The following ELOVL4 variants were observed in gnomAD, a reference collection of about 807,000 sequenced individuals.
ELOVL4 encodes very long chain fatty acid elongase 4.
In ELOVL4, 18 loss-of-function variants were observed where a neutral mutation model predicts 42.1. The ratio of observed to expected loss-of-function variants is 0.43; its 90% CI spans 0.30 to 0.63. The LOEUF is 0.63. Ranked by LOEUF, ELOVL4 falls within the 30% of genes least tolerant of loss-of-function variation. The pLI, the probability that ELOVL4 is intolerant of heterozygous loss-of-function variation, is 0.15. For synonymous variants in ELOVL4, 117 were observed against 127.0 expected, an observed-to-expected ratio of 0.92 and a Z score of 0.53; for missense variants, 299 against 376.2, an observed-to-expected ratio of 0.79 and a Z score of 1.70.
At position 79,926,386 on chromosome 6, in the gene ELOVL4, AG is replaced by A. The variant is rs1317537046; in HGVS notation, c.101-6del. 1 of 1,612,928 alleles carries A rather than the reference AG, an allele frequency of 6.2e-7. No homozygotes were observed. The highest frequency in any genetic ancestry group is 2.2e-5 in the East Asian group (1 of 44,850). ...GCCAATTTTCCACACGCTTATCTAT[AG>A]AGAGAACAAAATACCATAAAATTCA... is the stretch of plus-strand genomic sequence containing the variant. On this transcript the variant is annotated splice_polypyrimidine_tract_variant and splice_region_variant and intron_variant, in intron 1 of 5. Transcript: ENST00000369816.
chr6:79,926,869 G>A (rs935539111), intron 1 of ELOVL4, among the ~76,000 whole-genome samples: 1 of 152,120 alleles, frequency 6.6e-6, no homozygotes, highest in African/African-American at 2.4e-5. Context: ...GAAATATCTC[G>A]AGACACTGAA....
intron 5 of ELOVL4, 144 bp downstream of exon 5, chr6:79,919,276 A>G: frequency 1.2e-6 from 1 of 864,810 alleles, no homozygotes. Flanking sequence ...TCTAGAGTCA[A>G]GTGGGCATAA....
intron 2 of ELOVL4, 151 bp from the exon 3 acceptor site, chr6:79,925,183 T>G (rs1774323534): frequency 8.2e-6 from 5 of 610,996 alleles, no homozygotes; most frequent in Non-Finnish European, 1.4e-5. Flanking sequence ...TGCATTCCGA[T>G]TGCTAGAAGT....
intron 4 of ELOVL4, among the ~76,000 whole-genome samples, chr6:79,920,741 T>TTATGCTGTACATGGAA (rs1774239119): frequency 1.3e-5 from 2 of 152,236 alleles, no homozygotes; most frequent in African/African-American, 2.4e-5. Context: ...GGCATCAACA[T>TTATGCTGTACATGGAA]TATGCTGTAC....
At chr6:79,928,076 G>A (rs1774373997) in intron 1 of ELOVL4, among the ~76,000 whole-genome samples, 1 of 151,912 alleles carries the variant, frequency 6.6e-6, no homozygotes, top group Non-Finnish European at 1.5e-5. Flanking sequence ...AAAACATGAG[G>A]TGTGCATCTA....
chr6:79,942,701 T>C (rs1472341806), intron 1 of ELOVL4, among the ~76,000 whole-genome samples: 1 of 152,224 alleles, frequency 6.6e-6, no homozygotes, highest in Non-Finnish European at 1.5e-5. Flanking sequence ...GTTAAAACTG[T>C]GTCCTGACAC....
chr6:79,940,320 T>A (rs948218922), intron 1 of ELOVL4, among the ~76,000 whole-genome samples: 2 of 152,202 alleles, frequency 1.3e-5, no homozygotes, highest in Non-Finnish European at 2.9e-5. Flanking sequence ...AGGTATTTGT[T>A]TACAAATGGT....
At chr6:79,927,698 G>T (rs764185652) in intron 1 of ELOVL4, among the ~76,000 whole-genome samples, 6 of 151,988 alleles carry the variant, frequency 3.9e-5, no homozygotes, top group Admixed American at 2.6e-4. Context: ...TTGATGACTC[G>T]AGATATGGGA....
At chr6:79,925,839 C>T (rs1331712953) in intron 2 of ELOVL4, among the ~76,000 whole-genome samples, 4 of 152,206 alleles carry the variant, frequency 2.6e-5, no homozygotes, top group Middle Eastern at 3.4e-3. Flanking sequence ...GTGCTTAATA[C>T]GTGCCAAACA....
At chr6:79,926,973 T>C (rs574045239) in intron 1 of ELOVL4, among the ~76,000 whole-genome samples, 107 of 152,332 alleles carry the variant, frequency 7.0e-4, no homozygotes, top group African/African-American at 2.5e-3. Flanking sequence ...TTTCTAACTT[T>C]TTCATTGAGA....
intron 1 of ELOVL4, among the ~76,000 whole-genome samples, chr6:79,946,161 G>A (rs1397995105): frequency 2.0e-5 from 3 of 152,220 alleles, no homozygotes. Flanking sequence ...CTGATAGGAT[G>A]CAGTGTGATA....
chr6:79,947,250 A>G lies in ELOVL4; in HGVS notation c.30T>C (p.Ser10=), dbSNP rs776112508. Reference sequence around the variant, plus strand: ...GTGCCGTGGACACTACGTTTAGGACACTACCCGGCTCCGAGTCCAGGAGCC... The same window carrying G: ...GTGCCGTGGACACTACGTTTAGGACGCTACCCGGCTCCGAGTCCAGGAGCC... MGLLDSEPG[S]VLNVVSTALN... The change falls in exon 1 of 6, where the codon AGT becomes AGC. Residue 10 remains serine, a synonymous_variant. Transcript: ENST00000369816. The G allele has an allele frequency of 7.4e-6, 12 of 1,613,032 alleles. No homozygotes were observed. The highest frequency in any genetic ancestry group is 1.0e-5 in the Non-Finnish European group (12 of 1,179,472).
At position 79,947,210 on chromosome 6, in the gene ELOVL4, C is replaced by CTA; in HGVS notation, c.68_69dup (p.Glu24Ter). On this transcript the variant is annotated frameshift_variant, in exon 1 of 6. Transcript: ENST00000369816. LOFTEE classifies it high-confidence loss of function. ...ATGGACCAGGTCCAGCGGTAGAACT[C>CTA]TACCGTGTCGTTGAGTGCCGTGGAC... 1 of 1,613,188 alleles carries CTA rather than the reference C, an allele frequency of 6.2e-7. No individual in the cohort carries two copies. Among genetic ancestry groups the CTA allele is most frequent in the Non-Finnish European group, 8.5e-7 (1 of 1,179,538 alleles).
chr6:79,938,421 G>C (rs1774585321), intron 1 of ELOVL4, among the ~76,000 whole-genome samples: 2 of 152,134 alleles, frequency 1.3e-5, no homozygotes, highest in Non-Finnish European at 2.9e-5. Flanking sequence ...GACTCTAACA[G>C]TTCTATAAGT....
chr6:79,922,123 A>C (rs1774269546), intron 3 of ELOVL4, among the ~76,000 whole-genome samples: 1 of 152,222 alleles, frequency 6.6e-6, no homozygotes, highest in East Asian at 1.9e-4. Context: ...AACTTGGTAG[A>C]GGAACTAAGA....
intron 1 of ELOVL4, among the ~76,000 whole-genome samples, chr6:79,942,512 G>T (rs239520): frequency 0.23 from 35,559 of 151,906 alleles, 6,073 homozygotes; most frequent in African/African-American, 0.48. Flanking sequence ...TAATGTTAAA[G>T]CATTTACAGG....
At chr6:79,923,056 A>T (rs1475771155) in intron 3 of ELOVL4, among the ~76,000 whole-genome samples, 5 of 152,188 alleles carry the variant, frequency 3.3e-5, no homozygotes, top group African/African-American at 1.2e-4. Flanking sequence ...CTAGAAGGAA[A>T]GATACAATCT....
At chr6:79,927,915 G>A (rs562150422) in intron 1 of ELOVL4, among the ~76,000 whole-genome samples, 3 of 152,248 alleles carry the variant, frequency 2.0e-5, no homozygotes, top group African/African-American at 7.2e-5. Flanking sequence ...AGGAGGAAAT[G>A]ACTTAAAAGA....
chr6:79,927,320 T>C (rs772798615), intron 1 of ELOVL4, among the ~76,000 whole-genome samples: 8 of 152,296 alleles, frequency 5.3e-5, no homozygotes, highest in East Asian at 1.9e-4. Context: ...ATCTAATTTC[T>C]AGTTTATTCT....
Sources: gnomAD v4.1 joint callset for allele counts (sites outside exome capture counted in the v4.1 genomes callset) on GRCh38, gnomAD v4.1.1 for gene constraint, MANE v1.5 for transcripts, NCBI Gene and HGNC (gene_info 2026-07-23, HGNC 2026-07-21) for gene names.